The following MAST4 variants were observed in gnomAD, a reference collection of about 807,000 sequenced individuals.
MAST4 encodes the protein microtubule-associated serine/threonine-protein kinase 4.
A neutral mutation model predicts 162.7 loss-of-function variants in MAST4; 89 were observed. That is an observed-to-expected ratio of 0.55 (90% CI 0.46 to 0.65). The LOEUF (loss-of-function observed/expected upper bound fraction) is 0.65. Ranked by LOEUF, MAST4 falls within the 30% of genes least tolerant of loss-of-function variation. MAST4 has a pLI of 0.00. For synonymous variants in MAST4, 1,479 were observed against 1,361.1 expected, an observed-to-expected ratio of 1.09 and a Z score of -1.91; for missense variants, 3,153 against 3,374.0, an observed-to-expected ratio of 0.93 and a Z score of 1.62.
chr5:67,106,817 G>A (rs1581582969), intron 10 of MAST4, among the ~76,000 whole-genome samples: 1 of 152,226 alleles, frequency 6.6e-6, no homozygotes, highest in South Asian at 2.1e-4. Context: ...TGAGCAACAG[G>A]AGTCACCTCT....
intron 1 of MAST4, among the ~76,000 whole-genome samples, chr5:66,650,544 T>TAAA (rs1052055418): frequency 1.3e-5 from 2 of 152,176 alleles, no homozygotes; most frequent in African/African-American, 4.8e-5. Context: ...TAATGTAACA[T>TAAA]AAGTTATGAA....
chr5:67,155,926 G>T (rs764459951), intron 26 of MAST4, among the ~76,000 whole-genome samples: 1 of 152,076 alleles, frequency 6.6e-6, no homozygotes, highest in Admixed American at 6.6e-5. Context: ...TGGGCGTGGT[G>T]GTGGGCGCCT....
intron 1 of MAST4, among the ~76,000 whole-genome samples, chr5:66,607,256 C>T (rs1343245875): frequency 6.6e-6 from 1 of 152,160 alleles, no homozygotes; most frequent in African/African-American, 2.4e-5. Context: ...ATAGGTTGCT[C>T]TGCACTTAGC....
intron 4 of MAST4, among the ~76,000 whole-genome samples, chr5:67,050,487 T>A (rs938687914): frequency 2.6e-5 from 4 of 152,186 alleles, no homozygotes; most frequent in African/African-American, 7.2e-5. Flanking sequence ...AGAACATCTT[T>A]TCCCCTTCCC....
chr5:66,687,042 GTTGT>G (rs1448286443), intron 1 of MAST4, among the ~76,000 whole-genome samples: 2 of 152,230 alleles, frequency 1.3e-5, no homozygotes, highest in East Asian at 3.9e-4. Flanking sequence ...ATTTCAACTA[GTTGT>G]TTGATTTTGT....
At chr5:66,841,724 G>A (rs1758443117) in intron 3 of MAST4, among the ~76,000 whole-genome samples, 1 of 152,080 alleles carries the variant, frequency 6.6e-6, no homozygotes, top group African/African-American at 2.4e-5. Flanking sequence ...TTGTGGATTA[G>A]GGCATCAACA....
Position 67,166,886 on chromosome 5 carries a change from G to C in MAST4, c.7707G>C (p.Gln2569His). 1.9e-6 allele frequency: 3 copies of C among 1,610,002 alleles called. No individual in the cohort carries two copies. The highest frequency in any genetic ancestry group is 1.7e-6 in the Non-Finnish European group (2 of 1,178,518). Residue 2569 changes from glutamine (Q) to histidine (H), a missense_variant, in exon 29 of 29, where the codon CAG becomes CAC. Physicochemically the swap from Gln to His is conservative, Grantham distance 24. This residue lies in a region of MAST4 where 1,644 missense variants were observed against 1,495.0 expected (regional missense o/e 1.10). Coordinates refer to ENST00000403625, the MANE Select transcript of MAST4 (RefSeq NM_001164664.2). ...AAGGGAAGGACCCTGCCCCAGCCCA[G>C]CCTCCCCCAGCTAGGAAACAGAACG... Reference protein sequence around the residue: ...ETKGKDPAPAQPPPARKQNVG... With the variant: ...ETKGKDPAPAHPPPARKQNVG...
In MAST4 at chr5:67,105,072, A is replaced by G. The variant is rs183781172; in HGVS notation, c.1356+497A>G. ...CAGTTCTTCTTCTAACAAAATATCCAATTTCCAAAATGACAGATAAACACA... is the reference window on the plus strand; with the variant it reads ...CAGTTCTTCTTCTAACAAAATATCCGATTTCCAAAATGACAGATAAACACA... On this transcript the variant is annotated intron_variant, in intron 10 of 28. Transcript: ENST00000403625. Among the ~76,000 whole-genome samples the G allele has an allele frequency of 4.3e-3, 648 of 152,292 alleles. 7 individuals carry two copies. Among genetic ancestry groups the G allele is most frequent in the Non-Finnish European group, 5.1e-3 (345 of 68,026 alleles).
intron 14 of MAST4, among the ~76,000 whole-genome samples, chr5:67,124,030 C>G (rs182947151): frequency 2.0e-5 from 3 of 152,192 alleles, no homozygotes; most frequent in African/African-American, 7.2e-5. Context: ...ATTTTATACA[C>G]GCTAGACATT....
intron 3 of MAST4, among the ~76,000 whole-genome samples, chr5:66,812,703 C>T (rs1756537221): frequency 6.6e-6 from 1 of 152,094 alleles, no homozygotes; most frequent in African/African-American, 2.4e-5. Flanking sequence ...CTGTGGTTTG[C>T]TTAGATGGAC....
intron 4 of MAST4, among the ~76,000 whole-genome samples, chr5:66,967,618 T>C (rs779783811): frequency 5.3e-5 from 8 of 150,828 alleles, no homozygotes; most frequent in Non-Finnish European, 1.5e-5. Flanking sequence ...TGTATTCCTG[T>C]ACTGAGCAGA....
chr5:67,086,007 A>G (rs1365521709), intron 5 of MAST4, among the ~76,000 whole-genome samples: 1 of 152,160 alleles, frequency 6.6e-6, no homozygotes, highest in Non-Finnish European at 1.5e-5. Flanking sequence ...GTTTGGTTTC[A>G]GGGTTTTTAA....
intron 5 of MAST4, among the ~76,000 whole-genome samples, chr5:67,083,091 C>T (rs1762854229): frequency 6.6e-6 from 1 of 152,070 alleles, no homozygotes; most frequent in Non-Finnish European, 1.5e-5. Flanking sequence ...CAAGAGTTTC[C>T]AAGATTTCCT....
intron 5 of MAST4, among the ~76,000 whole-genome samples, chr5:67,069,957 A>G (rs920929541): frequency 1.3e-5 from 2 of 150,948 alleles, no homozygotes; most frequent in African/African-American, 4.9e-5. Context: ...CAGTGTTTAG[A>G]GATGCAAATC....
At chr5:66,935,335 A>G (rs1742622213) in intron 4 of MAST4, among the ~76,000 whole-genome samples, 1 of 152,122 alleles carries the variant, frequency 6.6e-6, no homozygotes, top group Non-Finnish European at 1.5e-5. Flanking sequence ...AAGGTGGTGT[A>G]TTATCATTAG....
At chr5:66,926,437 C>T (rs1032456255) in intron 4 of MAST4, among the ~76,000 whole-genome samples, 3 of 152,058 alleles carry the variant, frequency 2.0e-5, no homozygotes, top group African/African-American at 7.2e-5. Flanking sequence ...GTCTCAGCTA[C>T]ACAGGAGCCT....
intron 1 of MAST4, among the ~76,000 whole-genome samples, chr5:66,697,350 C>T (rs758155105): frequency 6.6e-6 from 1 of 152,146 alleles, no homozygotes; most frequent in Non-Finnish European, 1.5e-5. Flanking sequence ...ATAAAAGATC[C>T]ATTCAAAATG....
intron 1 of MAST4, among the ~76,000 whole-genome samples, chr5:66,652,953 C>T (rs953390229): frequency 6.6e-6 from 1 of 152,140 alleles, no homozygotes; most frequent in Admixed American, 6.6e-5. Flanking sequence ...ATGTGTATGT[C>T]AATGCCTTTG....
chr5:66,635,184 C>G (rs1745031584), intron 1 of MAST4, among the ~76,000 whole-genome samples: 1 of 152,210 alleles, frequency 6.6e-6, no homozygotes, highest in African/African-American at 2.4e-5. Flanking sequence ...ACAGGGGACT[C>G]AGGCTCCCTG....
Sources: allele counts gnomAD v4.1 joint callset (sites outside exome capture counted in the v4.1 genomes callset), GRCh38; gene constraint gnomAD v4.1.1; regional missense constraint gnomAD v4.1.1; transcripts MANE v1.5; gene names NCBI Gene and HGNC (gene_info 2026-07-23, HGNC 2026-07-21).